ENTREP2: variants seen among roughly 807,000 people sequenced by gnomAD.
ENTREP2 encodes the protein endosomal transmembrane epsin interactor 2, also known as protein ENTREP2.
chr15:29,652,259 G>C, the ENTREP2 span, among the ~76,000 whole-genome samples: 1 of 152,132 alleles, frequency 6.6e-6, no homozygotes, highest in African/African-American at 2.4e-5. Context: ...CCCACCCCAG[G>C]GCCTTCTCCT....
the ENTREP2 span, among the ~76,000 whole-genome samples, chr15:29,347,225 AG>A: frequency 6.6e-6 from 1 of 152,060 alleles, no homozygotes; most frequent in Non-Finnish European, 1.5e-5. Context: ...CCCAGGCTAG[AG>A]TGCAGCTTCA....
At chr15:29,591,219 C>A in the ENTREP2 span, among the ~76,000 whole-genome samples, 7 of 152,190 alleles carry the variant, frequency 4.6e-5, no homozygotes, top group Non-Finnish European at 1.0e-4. Flanking sequence ...GAGATCAATG[C>A]CTAATTAGTT....
At chr15:29,571,302 G>A in the ENTREP2 span, among the ~76,000 whole-genome samples, 14 of 152,150 alleles carry the variant, frequency 9.2e-5, no homozygotes, top group African/African-American at 3.4e-4. Flanking sequence ...CGGCTGCGCG[G>A]AGGGGCCCGA....
the ENTREP2 span, among the ~76,000 whole-genome samples, chr15:29,354,158 C>G: frequency 1.3e-5 from 2 of 152,206 alleles, no homozygotes; most frequent in African/African-American, 4.8e-5. Flanking sequence ...CGCCGTCTCT[C>G]TCCCCTTGAG....
chr15:29,276,977 G>C, the ENTREP2 span, among the ~76,000 whole-genome samples: 1 of 152,208 alleles, frequency 6.6e-6, no homozygotes, highest in African/African-American at 2.4e-5. Flanking sequence ...TGGGGAATGT[G>C]CTCATCATTT....
At chr15:29,136,664 G>T in the ENTREP2 span, among the ~76,000 whole-genome samples, 340 of 134,660 alleles carry the variant, frequency 2.5e-3, 3 homozygotes, top group Middle Eastern at 0.016. Context: ...TTGCACTTTT[G>T]TTTTTTTTTT....
the ENTREP2 span, among the ~76,000 whole-genome samples, chr15:29,349,032 A>G: frequency 6.6e-6 from 1 of 152,254 alleles, no homozygotes; most frequent in Admixed American, 6.5e-5. Context: ...CAGTTGGCAG[A>G]GCAGGGCCTG....
At chr15:29,424,539 C>T in the ENTREP2 span, among the ~76,000 whole-genome samples, 1 of 152,136 alleles carries the variant, frequency 6.6e-6, no homozygotes, top group Non-Finnish European at 1.5e-5. Flanking sequence ...TGGGTAGGCG[C>T]CAACCTCTCA....
chr15:29,451,105 T>TA, the ENTREP2 span, among the ~76,000 whole-genome samples: 184 of 151,288 alleles, frequency 1.2e-3, 1 homozygote, highest in South Asian at 0.014. Flanking sequence ...AAATAAAGGT[T>TA]AAAAAAAAAG....
the ENTREP2 span, among the ~76,000 whole-genome samples, chr15:29,607,304 C>CTTTTTT: frequency 2.3e-5 from 3 of 131,798 alleles, no homozygotes; most frequent in African/African-American, 8.6e-5. Context: ...CTCTTCATTT[C>CTTTTTT]TTTTTTTTTT....
the ENTREP2 span, among the ~76,000 whole-genome samples, chr15:29,207,547 C>T: frequency 3.3e-5 from 5 of 152,124 alleles, no homozygotes; most frequent in Admixed American, 2.0e-4. Flanking sequence ...TCCTCCCCCA[C>T]GATTGGCTAC....
At chr15:29,338,665 C>T in the ENTREP2 span, among the ~76,000 whole-genome samples, 1 of 152,006 alleles carries the variant, frequency 6.6e-6, no homozygotes, top group Non-Finnish European at 1.5e-5. Flanking sequence ...TAACTTTCCA[C>T]CCACTCCCTC....
the ENTREP2 span, among the ~76,000 whole-genome samples, chr15:29,426,752 C>A: frequency 6.6e-6 from 1 of 152,162 alleles, no homozygotes; most frequent in South Asian, 2.1e-4. Flanking sequence ...AAGTTTTATT[C>A]CATTTCTCTG....
At chr15:29,424,745 C>T in the ENTREP2 span, among the ~76,000 whole-genome samples, 1 of 152,290 alleles carries the variant, frequency 6.6e-6, no homozygotes, top group African/African-American at 2.4e-5. Flanking sequence ...GCTTTTTCAA[C>T]ACATTTCCTT....
At chr15:29,123,237 C>T in the ENTREP2 span, 15 of 1,278,870 alleles carry the variant, frequency 1.2e-5, no homozygotes, top group African/African-American at 8.9e-5. Flanking sequence ...ATTTATCCTC[C>T]GCCAAGCTGG....
At chr15:29,485,166 T>C in the ENTREP2 span, among the ~76,000 whole-genome samples, 1 of 152,192 alleles carries the variant, frequency 6.6e-6, no homozygotes, top group South Asian at 2.1e-4. Context: ...GTCAGAATAA[T>C]GGAAACAGTA....
the ENTREP2 span, among the ~76,000 whole-genome samples, chr15:29,145,741 C>T: frequency 6.6e-6 from 1 of 151,474 alleles, no homozygotes. Flanking sequence ...TGGTGACAGA[C>T]TGGATGCTTC....
At chr15:29,401,106 C>T in the ENTREP2 span, among the ~76,000 whole-genome samples, 1 of 152,206 alleles carries the variant, frequency 6.6e-6, no homozygotes, top group South Asian at 2.1e-4. Context: ...CCCCAGCTGA[C>T]CTGCAAACCC....
the ENTREP2 span, among the ~76,000 whole-genome samples, chr15:29,385,956 G>A: frequency 3.3e-5 from 5 of 151,662 alleles, no homozygotes; most frequent in Non-Finnish European, 5.9e-5. Context: ...GGCCACTGAC[G>A]GCGGGATGAC....
Sources: gnomAD v4.1 joint callset for allele counts (sites outside exome capture counted in the v4.1 genomes callset) on GRCh38, gnomAD v4.1.1 for gene constraint, MANE v1.5 for transcripts, NCBI Gene and HGNC (gene_info 2026-07-23, HGNC 2026-07-21) for gene names.